Variants in GPAM observed in about 807,000 individuals in gnomAD.
The protein encoded by GPAM is glycerol-3-phosphate acyltransferase 1, mitochondrial.
In GPAM, 56 loss-of-function variants were observed where a neutral mutation model predicts 105.0. The observed-to-expected ratio is 0.53, with a 90% confidence interval of 0.43 to 0.67. GPAM has a LOEUF of 0.67. GPAM is among the 30% of genes least tolerant of loss of function. GPAM has a pLI of 0.00. For synonymous variants in GPAM, 368 were observed against 354.4 expected (o/e 1.04, Z -0.43); for missense variants, 855 against 989.8 (o/e 0.86, Z 1.83).
rs79437052 is a variant in GPAM at position 112,163,705 on chromosome 10, T to C, written c.1419A>G (p.Leu473=). The C allele has an allele frequency of 5.4e-4, 766 of 1,405,704 alleles. 3 individuals are homozygous for C. The African/African-American group carries it at 9.7e-3, about 18-fold the overall frequency. The allele number at this position is 1,405,704 out of a possible 1,614,324, so 87.1% of individuals were successfully genotyped here. A position where few individuals can be genotyped will look rare whatever the true frequency, so the allele number is the denominator to read the frequency against. Residue 473 remains leucine, a synonymous_variant, in exon 14 of 22, where the codon CTA becomes CTG. Coordinates refer to ENST00000348367, the MANE Select transcript of GPAM (RefSeq NM_001244949.2). The part of the protein sequence containing the change: ...RLIANLAEHI[L]FTASKSCAIM... ...AGAGTCTGGTATTCTACTTACTGAATAGAATATGCTCAGCCAGATTTGCAA... is the reference window on the plus strand; with the variant it reads ...AGAGTCTGGTATTCTACTTACTGAACAGAATATGCTCAGCCAGATTTGCAA...
intron 9 of GPAM, among the ~76,000 whole-genome samples, chr10:112,170,283 A>G (rs921381837): frequency 1.3e-5 from 2 of 152,154 alleles, no homozygotes; most frequent in Non-Finnish European, 2.9e-5. Context: ...GAATAAAATG[A>G]ATGAGATGAG....
At position 112,150,964 on chromosome 10, in the gene GPAM, T is replaced by A; in HGVS notation, c.*2586A>T. 1.0e-6 allele frequency: 1 copy of A among 984,764 alleles called. No homozygotes were observed. The highest frequency in any genetic ancestry group is 1.2e-6 in the Non-Finnish European group (1 of 829,054). The allele number at this position is 984,764 out of a possible 1,614,324, so 61.0% of individuals were successfully genotyped here. The stretch of plus-strand genomic sequence containing the variant: ...ATTCCAGAAGGAAGACTCGAAGCCA[T>A]CTCAGTTAACAGTTCTACACATTTC... On this transcript the variant is annotated 3_prime_UTR_variant, in exon 22 of 22. Transcript: ENST00000348367.
chr10:112,153,381 T>G lies in GPAM; in HGVS notation c.*169A>C. On this transcript the variant is annotated 3_prime_UTR_variant, in exon 22 of 22. Coordinates refer to ENST00000348367, the MANE Select transcript of GPAM (RefSeq NM_001244949.2). Reference sequence around the variant, plus strand: ...GCAGGCTGCTGTGTTGATGCAGAGCTGGGAAGATCACAGATCCATGGAGGG... The same window carrying G: ...GCAGGCTGCTGTGTTGATGCAGAGCGGGGAAGATCACAGATCCATGGAGGG... 6.4e-7 allele frequency: 1 copy of G among 1,563,258 alleles called. No homozygotes were observed. Among genetic ancestry groups the G allele is most frequent in the East Asian group, 2.3e-5 (1 of 43,826 alleles).
chr10:112,164,653 C>G lies in GPAM; in HGVS notation c.1222-43G>C, dbSNP rs116659852. The G allele has an allele frequency of 4.3e-4, 431 of 991,712 alleles. 2 individuals carry two copies. The African/African-American group carries it at 6.6e-3, about 15-fold the overall frequency. The allele number at this position is 991,712 out of a possible 1,614,324, so 61.4% of individuals were successfully genotyped here. A position where few individuals can be genotyped will look rare whatever the true frequency, so the allele number is the denominator to read the frequency against. Reference sequence around the variant, plus strand: ...ACATGATCATTTACCCTCACTTTCGCACCAACATATAAAATGTAATTTCAT... The same window carrying G: ...ACATGATCATTTACCCTCACTTTCGGACCAACATATAAAATGTAATTTCAT... On this transcript the variant is annotated intron_variant, in intron 12 of 21. Transcript: ENST00000348367.
chr10:112,200,007 T>C (rs186387673), intron 1 of GPAM, among the ~76,000 whole-genome samples: 370 of 151,602 alleles, frequency 2.4e-3, no homozygotes, highest in Non-Finnish European at 3.7e-3. Context: ...ACAATTGTTG[T>C]CAACTAAATC....
At chr10:112,211,807 TTAAA>T (rs1307922255) in intron 1 of GPAM, among the ~76,000 whole-genome samples, 1 of 152,188 alleles carries the variant, frequency 6.6e-6, no homozygotes, top group Non-Finnish European at 1.5e-5. Flanking sequence ...CTTGAACAAT[TTAAA>T]TAACAAGTGA....
chr10:112,186,360 C>G (rs1847596176), upstream of GPAM, among the ~76,000 whole-genome samples: 1 of 151,064 alleles, frequency 6.6e-6, no homozygotes, highest in Non-Finnish European at 1.5e-5. Context: ...CATCGAATTG[C>G]CAAAAGAATT....
upstream of GPAM, among the ~76,000 whole-genome samples, chr10:112,217,116 A>G (rs1024547763): frequency 1.3e-5 from 2 of 152,212 alleles, no homozygotes; most frequent in African/African-American, 4.8e-5. Flanking sequence ...AGAACATTCC[A>G]TCACCCCATA....
exon 1 of GPAM, chr10:112,215,263 G>A (rs925347638): frequency 2.0e-5 from 3 of 152,178 alleles, no homozygotes; most frequent in African/African-American, 7.2e-5. Flanking sequence ...CCAGGCTGTG[G>A]GTGAATAAGC....
chr10:112,203,954 C>T (rs1388770418), intron 1 of GPAM, among the ~76,000 whole-genome samples: 1 of 152,158 alleles, frequency 6.6e-6, no homozygotes, highest in African/African-American at 2.4e-5. Context: ...CAGCTTCAAA[C>T]TCCCTCACCC....
intron 1 of GPAM, among the ~76,000 whole-genome samples, chr10:112,197,859 T>C (rs1441513938): frequency 6.6e-6 from 1 of 152,146 alleles, no homozygotes; most frequent in Non-Finnish European, 1.5e-5. Flanking sequence ...GGCATTCTTA[T>C]TCACAAAAAC....
intron 1 of GPAM, among the ~76,000 whole-genome samples, chr10:112,210,200 T>C (rs554385796): frequency 3.9e-5 from 6 of 152,362 alleles, no homozygotes; most frequent in African/African-American, 4.8e-5. Context: ...ACTATCATTT[T>C]CCTCTTACGA....
rs776750785 is a variant in GPAM at position 112,168,437 on chromosome 10, G to A, written c.982C>T (p.Arg328Trp). The A allele has an allele frequency of 1.1e-5, 18 of 1,610,812 alleles. No individual in the cohort carries two copies. The highest frequency in any genetic ancestry group is 2.7e-5 in the African/African-American group (2 of 74,850). Residue 328 changes from arginine to tryptophan, a missense_variant, in exon 11 of 22, where the codon CGG (arginine) becomes TGG (tryptophan). Transcript: ENST00000348367. ...ACCACAACTGACAAAAGTCCTGCCC[G>A]AGCACAAGAGGTTTTTCCACTCCTA... The part of the protein sequence containing the change: ...RSRSGKTSCA[R>W]AGLLSVVVDT...
At chr10:112,172,874 T>G in intron 8 of GPAM, 96 bp downstream of exon 8, 2 of 772,636 alleles carry the variant, frequency 2.6e-6, no homozygotes, top group South Asian at 2.8e-5. Context: ...TGGGTTGAAA[T>G]ACATCACAGT....
At position 112,151,331 on chromosome 10, in the gene GPAM, GT is replaced by G; in HGVS notation, c.*2218del. The G allele has an allele frequency of 1.0e-6, 1 of 985,264 alleles. No homozygotes were observed. Among genetic ancestry groups the G allele is most frequent in the Non-Finnish European group, 1.2e-6 (1 of 829,612 alleles). The allele number at this position is 985,264 out of a possible 1,614,324, so 61.0% of individuals were successfully genotyped here. ...ATTGTGAAGATGCTTTCGTTTTTTT[GT>G]TTTTTGTTTTCAGTCATGAGGCACT... On this transcript the variant is annotated 3_prime_UTR_variant, in exon 22 of 22. Coordinates refer to ENST00000348367, the MANE Select transcript of GPAM (RefSeq NM_001244949.2).
Position 112,181,536 on chromosome 10 carries a change from T to A in GPAM, c.102+147A>T, listed in dbSNP as rs1417080722. Reference sequence around the variant, plus strand: ...TCTTCCCAATATAATGCCATAAAATTTTTTATTAGGCTTCATAAACATACC... The same window carrying A: ...TCTTCCCAATATAATGCCATAAAATATTTTATTAGGCTTCATAAACATACC... On this transcript the variant is annotated intron_variant, in intron 3 of 21. Coordinates refer to ENST00000348367, the MANE Select transcript of GPAM (RefSeq NM_001244949.2). 10 of 658,514 alleles carry A rather than the reference T, an allele frequency of 1.5e-5. No homozygotes were observed. The South Asian group carries it at 1.7e-4, about 11-fold the overall frequency. 40.8% of individuals were successfully genotyped at this position (658,514 alleles called of 1,614,324 possible).
chr10:112,160,452 C>T (rs1264133460), intron 16 of GPAM, 152 bp downstream of exon 16: 3 of 1,185,708 alleles, frequency 2.5e-6, no homozygotes, highest in Non-Finnish European at 3.5e-6. Context: ...AGTGATATAA[C>T]AGGAGATTAC....
At chr10:112,189,491 G>A (rs1847631116) in intron 1 of GPAM, among the ~76,000 whole-genome samples, 2 of 152,000 alleles carry the variant, frequency 1.3e-5, no homozygotes, top group South Asian at 4.2e-4. Flanking sequence ...AGCTGATCTG[G>A]GGCACTCACT....
intron 1 of GPAM, among the ~76,000 whole-genome samples, chr10:112,190,914 G>A (rs970408464): frequency 1.3e-5 from 2 of 152,030 alleles, no homozygotes; most frequent in Non-Finnish European, 2.9e-5. Context: ...AGTCCCAAGC[G>A]ATTGCTCCCA....
Sources: allele counts gnomAD v4.1 joint callset (sites outside exome capture counted in the v4.1 genomes callset), GRCh38; gene constraint gnomAD v4.1.1; transcripts MANE v1.5; gene names NCBI Gene and HGNC (gene_info 2026-07-23, HGNC 2026-07-21).